Variants in EMC3 observed in about 807,000 individuals in gnomAD.
EMC3 encodes 30 kDa protein.
Under a neutral mutation model 36.6 loss-of-function variants are expected in EMC3, and 13 were observed. The observed-to-expected ratio is 0.35, with a 90% confidence interval of 0.23 to 0.56. The LOEUF is 0.56. Ranked by LOEUF, EMC3 falls within the 20% of genes least tolerant of loss-of-function variation. EMC3 has a pLI of 0.84. For synonymous variants in EMC3, 120 were observed against 111.9 expected, an observed-to-expected ratio of 1.07 and a Z score of -0.46; for missense variants, 220 against 324.5, an observed-to-expected ratio of 0.68 and a Z score of 2.47.
At chr3:10,007,828 T>C (rs539765769) in intron 1 of EMC3, among the ~76,000 whole-genome samples, 1 of 152,236 alleles carries the variant, frequency 6.6e-6, no homozygotes, top group Admixed American at 6.5e-5. Context: ...CATCTGAGTG[T>C]GGCAACCTTG....
chr3:10,006,302 T>C (rs1443021536), intron 1 of EMC3: 1 of 152,252 alleles, frequency 6.6e-6, no homozygotes, highest in African/African-American at 2.4e-5. Context: ...CTTTGCATAC[T>C]ATTAAAATAT....
chr3:9,979,351 CA>C (rs894781248), intron 1 of EMC3, among the ~76,000 whole-genome samples: 2 of 152,056 alleles, frequency 1.3e-5, no homozygotes, highest in Non-Finnish European at 2.9e-5. Flanking sequence ...ATTTAAAAAA[CA>C]AAAAACCCCA....
chr3:10,005,096 A>G (rs1156425811), intron 1 of EMC3: 1 of 152,134 alleles, frequency 6.6e-6, no homozygotes, highest in Non-Finnish European at 1.5e-5. Flanking sequence ...CCATCACCCA[A>G]ATATCATTCA....
intron 7 of EMC3, among the ~76,000 whole-genome samples, chr3:9,965,164 T>C (rs1250680206): frequency 2.0e-5 from 3 of 151,360 alleles, no homozygotes; most frequent in African/African-American, 4.9e-5. Flanking sequence ...CCTAGCACTT[T>C]GGGAGGCCAA....
At chr3:9,978,588 T>C (rs1439172536) in intron 1 of EMC3, among the ~76,000 whole-genome samples, 2 of 152,046 alleles carry the variant, frequency 1.3e-5, no homozygotes, top group African/African-American at 4.8e-5. Flanking sequence ...TCCCAGCACT[T>C]TGGGAGGCCG....
intron 5 of EMC3, chr3:9,973,394 C>T: frequency 2.4e-6 from 1 of 413,990 alleles, no homozygotes; most frequent in Non-Finnish European, 4.4e-6. Context: ...CGGGGTTTCA[C>T]AGTGTTAGCC....
At chr3:9,987,304 C>G, upstream of EMC3, 1 of 985,148 alleles carries the variant, frequency 1.0e-6, no homozygotes, top group Non-Finnish European at 1.2e-6. Flanking sequence ...CTCGAGGCCC[C>G]GCTCCCCTGC....
intron 7 of EMC3, among the ~76,000 whole-genome samples, chr3:9,965,445 G>GATAC (rs1297798692): frequency 6.6e-6 from 1 of 151,968 alleles, no homozygotes; most frequent in African/African-American, 2.4e-5. Context: ...TAGATAGATA[G>GATAC]ATAGATAGAT....
intron 1 of EMC3, among the ~76,000 whole-genome samples, chr3:10,008,824 C>T (rs1053616071): frequency 3.9e-5 from 6 of 152,216 alleles, no homozygotes; most frequent in African/African-American, 1.2e-4. Context: ...CTGACAGCCA[C>T]ACATCTCTGG....
At chr3:9,973,999 T>C (rs1402754330) in intron 4 of EMC3, among the ~76,000 whole-genome samples, 2 of 152,194 alleles carry the variant, frequency 1.3e-5, no homozygotes, top group African/African-American at 4.8e-5. Flanking sequence ...AAGTGGAATA[T>C]ATAAGCATAG....
rs1559350702 is a variant in EMC3, at chr3:9,973,616, GA to G, written c.494+11del. The G allele has an allele frequency of 6.2e-7, 1 of 1,612,648 alleles. No individual in the cohort carries two copies. The highest frequency in any genetic ancestry group is 1.7e-5 in the Admixed American group (1 of 59,978). On this transcript the variant is annotated intron_variant, in intron 5 of 7. Coordinates refer to ENST00000245046, the MANE Select transcript of EMC3 (RefSeq NM_001394674.1). ...TGGTTTGTGTTTTTATTAAACAAAA[GA>G]AAGTTCTTACCAGGATGCATCTAAT... is the stretch of plus-strand genomic sequence containing the variant.
In EMC3 at chr3:9,992,953, T is replaced by G. The variant is rs550774792; in HGVS notation, c.-241-6051A>C. ...ATTGAAAGGGTGCTAAGAAATAAGA[T>G]TCGATCAGGCTGCATTCAAGAACAG... On this transcript the variant is annotated intron_variant, in intron 1 of 8. Transcript: ENST00000470827. The G allele has an allele frequency of 7.4e-6, 12 of 1,610,842 alleles. No homozygotes were observed. In the Admixed American group the frequency reaches 2.0e-4, roughly 27 times the overall value.
At chr3:10,000,156 A>G (rs192095338) in intron 1 of EMC3, among the ~76,000 whole-genome samples, 2 of 152,160 alleles carry the variant, frequency 1.3e-5, no homozygotes, top group East Asian at 3.9e-4. Flanking sequence ...GTTCTCTCTC[A>G]GCCTCCCAAG....
chr3:10,005,553 A>G (rs1309694405), intron 1 of EMC3, among the ~76,000 whole-genome samples: 1 of 152,218 alleles, frequency 6.6e-6, no homozygotes, highest in Non-Finnish European at 1.5e-5. Context: ...AAATTCTCAC[A>G]GGAAGATACC....
At chr3:10,009,711 G>A (rs2086303358) in intron 1 of EMC3, among the ~76,000 whole-genome samples, 1 of 152,194 alleles carries the variant, frequency 6.6e-6, no homozygotes, top group Admixed American at 6.5e-5. Context: ...TGCCCTCAGA[G>A]GCTCCCTTCA....
At position 10,006,144 on chromosome 3, in the gene EMC3, C is replaced by G. The variant is rs370453093; in HGVS notation, c.-242+4879G>C. 7.2e-5 allele frequency among the ~76,000 whole-genome samples: 11 copies of G among 152,294 alleles called. 1 individual carries two copies. The East Asian group carries it at 9.7e-4, about 13-fold the overall frequency. ...CCAGAGCACCAGCAACTGGTGAAGT[C>G]TTAGAAACGTCCCTGATACACCAAA... On this transcript the variant is annotated intron_variant, in intron 1 of 8. Transcript: ENST00000470827.
At chr3:9,974,349 T>G (rs1410659972) in intron 4 of EMC3, 35 bp downstream of exon 4, 6 of 1,431,562 alleles carry the variant, frequency 4.2e-6, no homozygotes, top group Non-Finnish European at 5.9e-6. Context: ...TGAATTTCTC[T>G]GGGTAACATG....
chr3:10,002,713 T>G (rs2086218711), intron 1 of EMC3: 1 of 396,616 alleles, frequency 2.5e-6, no homozygotes, highest in African/African-American at 2.1e-5. Flanking sequence ...TGTTATTTAT[T>G]TAGTAACAGA....
chr3:9,965,597 A>C (rs746636134), intron 7 of EMC3, among the ~76,000 whole-genome samples: 5 of 152,210 alleles, frequency 3.3e-5, no homozygotes, highest in Non-Finnish European at 7.3e-5. Context: ...TGCAACCACC[A>C]CCACTATCTA....
Sources: gnomAD v4.1 joint callset for allele counts (sites outside exome capture counted in the v4.1 genomes callset) on GRCh38, gnomAD v4.1.1 for gene constraint, MANE v1.5 for transcripts, NCBI Gene and HGNC (gene_info 2026-07-23, HGNC 2026-07-21) for gene names.